The following MACROD2 variants were observed in gnomAD, a reference collection of about 807,000 sequenced individuals.
MACROD2 encodes the protein ADP-ribose glycohydrolase MACROD2.
Under a neutral mutation model 70.4 loss-of-function variants are expected in MACROD2, and 36 were observed. The ratio of observed to expected loss-of-function variants is 0.51; its 90% CI spans 0.39 to 0.68. The LOEUF is 0.68. Among genes scored for constraint, MACROD2 ranks in the 30% least tolerant of loss-of-function variants. The pLI, the probability that MACROD2 is intolerant of heterozygous loss-of-function variation, is 0.00. For synonymous variants in MACROD2, 172 were observed against 178.8 expected, an observed-to-expected ratio of 0.96 and a Z score of 0.30; for missense variants, 496 against 538.4, an observed-to-expected ratio of 0.92 and a Z score of 0.78.
intron 5 of MACROD2, chr20:14,893,063 C>G (rs2073782592): frequency 1.3e-5 from 2 of 152,138 alleles, no homozygotes; most frequent in Admixed American, 1.3e-4. Context: ...CCTTTTGTGA[C>G]TGGCTTATTT....
At chr20:14,875,727 A>T (rs1021130932) in intron 5 of MACROD2, among the ~76,000 whole-genome samples, 6 of 152,066 alleles carry the variant, frequency 3.9e-5, no homozygotes, top group African/African-American at 1.4e-4. Context: ...ATAAGTTGGA[A>T]CATGCAGTAT....
chr20:15,696,589 C>A (rs2050375337), intron 8 of MACROD2, among the ~76,000 whole-genome samples: 1 of 149,762 alleles, frequency 6.7e-6, no homozygotes, highest in Non-Finnish European at 1.5e-5. Context: ...CCTTCTTTCT[C>A]TATCTTGTGG....
intron 4 of MACROD2, among the ~76,000 whole-genome samples, chr20:14,663,395 G>A (rs1264746875): frequency 5.9e-5 from 9 of 151,718 alleles, no homozygotes; most frequent in Non-Finnish European, 7.4e-5. Context: ...CTTAATATCT[G>A]GATGATGAAA....
intron 8 of MACROD2, among the ~76,000 whole-genome samples, chr20:15,519,115 C>CT (rs1255856648): frequency 7.3e-6 from 1 of 137,514 alleles, no homozygotes; most frequent in African/African-American, 2.6e-5. Context: ...TCCTTCCTTC[C>CT]TTCCTTTCTT....
intron 10 of MACROD2, among the ~76,000 whole-genome samples, chr20:15,905,708 T>C (rs2065137069): frequency 6.6e-6 from 1 of 152,208 alleles, no homozygotes; most frequent in Admixed American, 6.5e-5. Flanking sequence ...ATTTTGTAGT[T>C]GTATTTCAAA....
chr20:15,247,029 G>A (rs77944100), intron 6 of MACROD2, among the ~76,000 whole-genome samples: 8,596 of 152,150 alleles, frequency 0.056, 317 homozygotes, highest in Non-Finnish European at 0.088. Context: ...CAGAGGCTGG[G>A]GATAAGAGAT....
intron 3 of MACROD2, among the ~76,000 whole-genome samples, chr20:14,313,875 T>C (rs2122526071): frequency 6.6e-6 from 1 of 152,266 alleles, no homozygotes; most frequent in Non-Finnish European, 1.5e-5. Flanking sequence ...AGAAGGAGCC[T>C]GGATTTTGCA....
At chr20:15,210,109 G>T (rs62205160) in intron 5 of MACROD2, among the ~76,000 whole-genome samples, 4,239 of 152,210 alleles carry the variant, frequency 0.028, 95 homozygotes, top group Admixed American at 0.042. Flanking sequence ...TGAACTCCAC[G>T]TACATTTTCA....
At chr20:15,881,438 G>A (rs1469229230) in intron 9 of MACROD2, among the ~76,000 whole-genome samples, 1 of 152,056 alleles carries the variant, frequency 6.6e-6, no homozygotes, top group Admixed American at 6.6e-5. Flanking sequence ...CACTAAGTCA[G>A]CCTCTGGATA....
chr20:15,761,893 T>C (rs2051442163), intron 8 of MACROD2, among the ~76,000 whole-genome samples: 1 of 152,232 alleles, frequency 6.6e-6, no homozygotes, highest in South Asian at 2.1e-4. Context: ...AAGCTTTCTT[T>C]AAATTTCCCT....
chr20:14,250,996 C>T (rs996460238), intron 3 of MACROD2, among the ~76,000 whole-genome samples: 14 of 151,878 alleles, frequency 9.2e-5, no homozygotes, highest in African/African-American at 3.4e-4. Context: ...TATTACCTAA[C>T]TGGAAAATAA....
intron 5 of MACROD2, among the ~76,000 whole-genome samples, chr20:15,154,862 A>AT (rs2145866247): frequency 6.6e-6 from 1 of 152,296 alleles, no homozygotes; most frequent in African/African-American, 2.4e-5. Flanking sequence ...GAGGCTTCTT[A>AT]TATAGGAAAG....
rs1448832660 is a variant in MACROD2 at position 15,825,491 on chromosome 20, T to TA, written c.646-37254_646-37253insA. Among the ~76,000 whole-genome samples the TA allele has an allele frequency of 1.1e-4, 16 of 151,652 alleles. No individual in the cohort carries two copies. The East Asian group carries it at 2.9e-3, about 28-fold the overall frequency. On this transcript the variant is annotated intron_variant, in intron 8 of 17. Transcript: ENST00000684519. ...AATTGTAGACATGATAAAATGGTTT[T>TA]TTTTTGTTGTTGGTTTTTTTTTTTC...
At chr20:14,193,061 G>A (rs1354709734) in intron 3 of MACROD2, among the ~76,000 whole-genome samples, 1 of 152,190 alleles carries the variant, frequency 6.6e-6, no homozygotes, top group African/African-American at 2.4e-5. Context: ...GGCACCTTCA[G>A]CCTGACATGT....
intron 12 of MACROD2, among the ~76,000 whole-genome samples, chr20:15,938,547 G>A (rs2065701912): frequency 6.6e-6 from 1 of 152,078 alleles, no homozygotes; most frequent in Admixed American, 6.6e-5. Context: ...GACTTATTTA[G>A]TAAATGTGGT....
At chr20:15,437,509 G>C (rs1392411887) in intron 7 of MACROD2, among the ~76,000 whole-genome samples, 1 of 152,146 alleles carries the variant, frequency 6.6e-6, no homozygotes. Context: ...TTTTTAAAAA[G>C]TTTTATTTTA....
chr20:14,436,112 C>G (rs1244151107), intron 3 of MACROD2, among the ~76,000 whole-genome samples: 1 of 151,988 alleles, frequency 6.6e-6, no homozygotes, highest in Non-Finnish European at 1.5e-5. Context: ...GGTTGGCAGA[C>G]TGCATATCAG....
Position 14,378,617 on chromosome 20 carries a change from A to C in MACROD2, c.272-114862A>C, listed in dbSNP as rs550576175. Among the ~76,000 whole-genome samples, 4 of 152,318 alleles carry C rather than the reference A, an allele frequency of 2.6e-5. No individual in the cohort carries two copies. The East Asian group carries it at 7.7e-4, about 29-fold the overall frequency. On this transcript the variant is annotated intron_variant, in intron 3 of 17. Coordinates refer to ENST00000684519, the MANE Select transcript of MACROD2 (RefSeq NM_001351661.2). ...TCCAGAGAATTTGGCCTGCAGCAGT[A>C]GGTAATAAAAGAGAGTTGTATTTGT...
chr20:14,850,754 T>G (rs1330265970), intron 5 of MACROD2, among the ~76,000 whole-genome samples: 2 of 152,188 alleles, frequency 1.3e-5, no homozygotes, highest in Non-Finnish European at 2.9e-5. Flanking sequence ...CAGACAGAGA[T>G]GTCTTATTAG....
Sources: allele counts gnomAD v4.1 joint callset (sites outside exome capture counted in the v4.1 genomes callset), GRCh38; gene constraint gnomAD v4.1.1; transcripts MANE v1.5; gene names NCBI Gene and HGNC (gene_info 2026-07-23, HGNC 2026-07-21).